SS18: variants seen among roughly 807,000 people sequenced by gnomAD.
SS18 encodes protein SSXT.
In SS18, 28 loss-of-function variants were observed where a neutral mutation model predicts 72.5. The observed-to-expected ratio is 0.39, with a 90% confidence interval of 0.29 to 0.53. The LOEUF is 0.53. Ranked by LOEUF, SS18 falls within the 20% of genes least tolerant of loss-of-function variation. The probability of loss-of-function intolerance (pLI) is 0.76; values close to 1 mark genes in which losing one functional copy is unlikely to be tolerated. For synonymous variants in SS18, 172 were observed against 164.2 expected (o/e 1.05, Z -0.37); for missense variants, 518 against 535.3 (o/e 0.97, Z 0.32).
In SS18 at chr18:26,036,019, GAA is replaced by G. The variant is rs1282993482; in HGVS notation, c.881-98_881-97del. 9 of 799,366 alleles carry G rather than the reference GAA, an allele frequency of 1.1e-5. No individual in the cohort carries two copies. The Admixed American group carries it at 1.4e-4, about 13-fold the overall frequency. 49.5% of individuals were successfully genotyped at this position (799,366 alleles called of 1,614,324 possible). On this transcript the variant is annotated intron_variant, in intron 7 of 10. Coordinates refer to ENST00000415083, the MANE Select transcript of SS18 (RefSeq NM_001007559.3). ...ACTTTCAGATAAAATTGAAAAAAAA[GAA>G]AAAGAAATGGAACATAAAAAATAAT...
chr18:26,065,800 CAT>C (rs58222135), intron 3 of SS18, among the ~76,000 whole-genome samples: 603 of 55,598 alleles, frequency 0.011, 27 homozygotes, highest in Middle Eastern at 0.04. Flanking sequence ...CCTACAAATC[CAT>C]ATATATATAT....
chr18:26,023,924 A>C (rs2053399331), intron 10 of SS18, among the ~76,000 whole-genome samples: 1 of 152,178 alleles, frequency 6.6e-6, no homozygotes, highest in Non-Finnish European at 1.5e-5. Context: ...TTTATAACGT[A>C]TACAGAAGTA....
chr18:26,085,668 C>T (rs1327089659), intron 2 of SS18, among the ~76,000 whole-genome samples: 1 of 152,038 alleles, frequency 6.6e-6, no homozygotes, highest in Non-Finnish European at 1.5e-5. Flanking sequence ...AGCAGTTACC[C>T]CTATGGAGGG....
chr18:26,034,019 A>T (rs2053587415), intron 9 of SS18, among the ~76,000 whole-genome samples: 1 of 152,198 alleles, frequency 6.6e-6, no homozygotes. Flanking sequence ...GAAAGAAAAA[A>T]AATCCATGGA....
chr18:26,021,508 T>C (rs1392686300), intron 10 of SS18, among the ~76,000 whole-genome samples: 2 of 152,180 alleles, frequency 1.3e-5, no homozygotes. Flanking sequence ...AAGCCTCACC[T>C]TCTCTCTCTT....
chr18:26,083,464 A>C (rs2054564854), intron 2 of SS18, among the ~76,000 whole-genome samples: 1 of 152,196 alleles, frequency 6.6e-6, no homozygotes. Flanking sequence ...GTTGTTGTGC[A>C]AACATCATCA....
intron 3 of SS18, among the ~76,000 whole-genome samples, chr18:26,067,865 G>A (rs968295497): frequency 1.7e-4 from 26 of 152,300 alleles, no homozygotes; most frequent in Admixed American, 1.7e-3. Context: ...TTCCACTGAT[G>A]GTGGCCGGAT....
At chr18:26,069,298 A>ATCAT (rs2054272260) in intron 3 of SS18, among the ~76,000 whole-genome samples, 1 of 152,054 alleles carries the variant, frequency 6.6e-6, no homozygotes, top group African/African-American at 2.4e-5. Flanking sequence ...TATTATAAAA[A>ATCAT]TCATTCATGT....
chr18:26,088,496 T>C (rs753115232), intron 1 of SS18, among the ~76,000 whole-genome samples: 1 of 152,260 alleles, frequency 6.6e-6, no homozygotes, highest in Non-Finnish European at 1.5e-5. Context: ...TTCATAATTA[T>C]GCTGTCTCAA....
At chr18:26,071,568 T>C (rs577706816) in intron 3 of SS18, among the ~76,000 whole-genome samples, 9 of 152,296 alleles carry the variant, frequency 5.9e-5, no homozygotes, top group Middle Eastern at 3.4e-3. Context: ...TGGTGGCTCA[T>C]GCCTACAATC....
intron 2 of SS18, among the ~76,000 whole-genome samples, chr18:26,079,764 A>C (rs1440007672): frequency 6.6e-6 from 1 of 152,002 alleles, no homozygotes; most frequent in African/African-American, 2.4e-5. Context: ...TGCATTTTTA[A>C]TAGACAGGGT....
intron 10 of SS18, 59 bp from the exon 11 acceptor site, chr18:26,018,439 G>T (rs998643823): frequency 5.0e-5 from 64 of 1,292,568 alleles, no homozygotes; most frequent in Non-Finnish European, 6.6e-5. Flanking sequence ...AGGCAAAGAA[G>T]ATTACAAACG....
At chr18:26,081,076 G>A (rs534554913) in intron 2 of SS18, 15 of 126,208 alleles carry the variant, frequency 1.2e-4, no homozygotes, top group Admixed American at 2.7e-4. Context: ...GCGACAGAGC[G>A]AGACTCCGTC....
Position 26,057,591 on chromosome 18 carries a change from G to A in SS18, c.383C>T (p.Pro128Leu). The A allele has an allele frequency of 6.2e-7, 1 of 1,614,054 alleles. No individual in the cohort carries two copies. Among genetic ancestry groups the A allele is most frequent in the Non-Finnish European group, 8.5e-7 (1 of 1,179,982 alleles). Residue 128 changes from proline to leucine, a missense_variant and splice_region_variant, in exon 4 of 11, where the codon CCT becomes CTT. Coordinates refer to ENST00000415083, the MANE Select transcript of SS18 (RefSeq NM_001007559.3). ...HMQNQMNGQM[P>L]GPNHMPMQGP... ...TGTCTTAGAGGAGAAAAACTTACCA[G>A]GCATCTGGCCGTTCATCTGGTTCTG... is the stretch of plus-strand genomic sequence containing the variant.
At chr18:26,032,310 C>A (rs1236585660) in intron 10 of SS18, 89 bp downstream of exon 10, 5 of 1,470,152 alleles carry the variant, frequency 3.4e-6, no homozygotes, top group Non-Finnish European at 4.7e-6. Flanking sequence ...AAACATGAGG[C>A]TTCAAGTTAA....
chr18:26,047,303 T>C (rs1025114587), intron 5 of SS18, among the ~76,000 whole-genome samples: 1 of 147,498 alleles, frequency 6.8e-6, no homozygotes, highest in Admixed American at 6.7e-5. Context: ...AAAAGCTCCA[T>C]GGTAATATAC....
At chr18:26,074,500 T>C (rs999650565) in intron 3 of SS18, among the ~76,000 whole-genome samples, 1 of 152,058 alleles carries the variant, frequency 6.6e-6, no homozygotes, top group Non-Finnish European at 1.5e-5. Flanking sequence ...AAATATAGTG[T>C]CTTCTATTAA....
chr18:26,038,667 A>T lies in SS18; in HGVS notation c.776-8T>A. The T allele has an allele frequency of 6.2e-7, 1 of 1,607,606 alleles. No homozygotes were observed. Among genetic ancestry groups the T allele is most frequent in the Non-Finnish European group, 8.5e-7 (1 of 1,174,414 alleles). ...AGTACTGCTGTGGTGGGCCTGAAAA[A>T]CCACAACCAGTCAAGATATAAATAA... On this transcript the variant is annotated splice_region_variant and splice_polypyrimidine_tract_variant and intron_variant, in intron 6 of 10. Transcript: ENST00000415083.
At chr18:26,076,094 T>C (rs146182475) in intron 3 of SS18, among the ~76,000 whole-genome samples, 33 of 151,972 alleles carry the variant, frequency 2.2e-4, no homozygotes, top group Non-Finnish European at 4.4e-5. Flanking sequence ...ATATATGCAA[T>C]GCTCACGATT....
Sources: gnomAD v4.1 joint callset for allele counts (sites outside exome capture counted in the v4.1 genomes callset) on GRCh38, gnomAD v4.1.1 for gene constraint, MANE v1.5 for transcripts, NCBI Gene and HGNC (gene_info 2026-07-23, HGNC 2026-07-21) for gene names.